Variants in EPHB4 observed in about 807,000 individuals in gnomAD.
EPHB4 encodes the protein EPH receptor B4, also known as ephrin type-B receptor 4.
A neutral mutation model predicts 110.6 loss-of-function variants in EPHB4; 50 were observed. The ratio of observed to expected loss-of-function variants is 0.45; its 90% CI spans 0.36 to 0.57. The LOEUF is 0.57. Ranked by LOEUF, EPHB4 falls within the 20% of genes least tolerant of loss-of-function variation. The pLI, the probability that EPHB4 is intolerant of heterozygous loss-of-function variation, is 0.00. For synonymous variants in EPHB4, 592 were observed against 578.4 expected (o/e 1.02, Z -0.34); for missense variants, 1,128 against 1,382.1 (o/e 0.82, Z 2.91).
At chr7:100,820,432 AC>A in intron 4 of EPHB4, 136 bp from the exon 5 acceptor site, 1 of 1,011,562 alleles carries the variant, frequency 9.9e-7, no homozygotes, top group Non-Finnish European at 1.4e-6. Context: ...GGGGTTCAAG[AC>A]CAGCCTGGGC....
At chr7:100,823,621 G>C (rs1562974279) in intron 3 of EPHB4, 23 bp downstream of exon 3, 1 of 1,603,884 alleles carries the variant, frequency 6.2e-7, no homozygotes, top group Non-Finnish European at 8.5e-7. Flanking sequence ...GGCTGTGGCT[G>C]AGCCCTGGGG....
intron 12 of EPHB4, among the ~76,000 whole-genome samples, chr7:100,811,855 G>A (rs1397335319): frequency 6.6e-6 from 1 of 150,632 alleles, no homozygotes; most frequent in African/African-American, 2.4e-5. Flanking sequence ...AGAGGACAGA[G>A]TGAGACTCTG....
At position 100,803,471 on chromosome 7, in the gene EPHB4, G is replaced by A. The variant is rs140842916; in HGVS notation, c.2954C>T (p.Pro985Leu). 8.9e-6 allele frequency: 14 copies of A among 1,573,940 alleles called. No individual in the cohort carries two copies. The highest frequency in any genetic ancestry group is 5.4e-5 in the African/African-American group (4 of 74,516). The part of the protein sequence containing the change: ...GTPGGTGGPA[P>L]QY Reference sequence around the variant, plus strand: ...GGGAGTTCCTGCAGGTCAGTACTGCGGGGCCGGTCCTCCTGTCCCACCCGG... The same window carrying A: ...GGGAGTTCCTGCAGGTCAGTACTGCAGGGCCGGTCCTCCTGTCCCACCCGG... The change falls in exon 17 of 17, where the codon CCG (proline) becomes CTG (leucine). Residue 985 changes from proline to leucine, a missense_variant. Physicochemically the swap from Pro to Leu is moderately conservative, Grantham distance 98 (BLOSUM62 -3). Coordinates refer to ENST00000358173, the MANE Select transcript of EPHB4 (RefSeq NM_004444.5).
In EPHB4 at chr7:100,813,215, A is replaced by T; in HGVS notation, c.1757-7T>A. 2.5e-6 allele frequency: 4 copies of T among 1,598,660 alleles called. No homozygotes were observed. The highest frequency in any genetic ancestry group is 3.4e-6 in the Non-Finnish European group (4 of 1,178,058). Reference sequence around the variant, plus strand: ...TCGATGTAGACCTTAGTACCTGAGAAATCAGGCAGGGCCCCGTCAGCTGGG... The same window carrying T: ...TCGATGTAGACCTTAGTACCTGAGATATCAGGCAGGGCCCCGTCAGCTGGG... On this transcript the variant is annotated splice_polypyrimidine_tract_variant and splice_region_variant and intron_variant, in intron 10 of 16. Coordinates refer to ENST00000358173, the MANE Select transcript of EPHB4 (RefSeq NM_004444.5).
At chr7:100,819,929 C>G (rs1215232568) in intron 5 of EPHB4, 40 bp from the exon 6 acceptor site, 1 of 1,518,620 alleles carries the variant, frequency 6.6e-7, no homozygotes, top group Non-Finnish European at 8.9e-7. Flanking sequence ...CCGACCTGCT[C>G]TGCGGTGGTG....
At chr7:100,811,224 C>G (rs1359973036) in intron 12 of EPHB4, among the ~76,000 whole-genome samples, 1 of 151,338 alleles carries the variant, frequency 6.6e-6, no homozygotes, top group African/African-American at 2.4e-5. Context: ...TGCACTCCAG[C>G]CTGGGTGACA....
At chr7:100,807,013 A>T (rs1812831632) in intron 13 of EPHB4, among the ~76,000 whole-genome samples, 1 of 152,036 alleles carries the variant, frequency 6.6e-6, no homozygotes, top group Non-Finnish European at 1.5e-5. Context: ...CCCAGTCTGC[A>T]GTACAGTGGC....
intron 4 of EPHB4, 184 bp from the exon 5 acceptor site, chr7:100,820,480 A>C: frequency 1.7e-6 from 1 of 592,684 alleles, no homozygotes; most frequent in South Asian, 3.7e-5. Context: ...AAAAAAAAAA[A>C]AATTCCAGCT....
Position 100,817,365 on chromosome 7 carries a change from G to T in EPHB4, c.1423-8C>A. On this transcript the variant is annotated splice_polypyrimidine_tract_variant and splice_region_variant and intron_variant, in intron 7 of 16. Coordinates refer to ENST00000358173, the MANE Select transcript of EPHB4 (RefSeq NM_004444.5). ...GCTGGGACCCTCGGCGCCCTGTCCG[G>T]GAGAGGTAGTGGGGTGGCCGTCACC... 1 of 1,555,848 alleles carries T rather than the reference G, an allele frequency of 6.4e-7. No individual in the cohort carries two copies. Among genetic ancestry groups the T allele is most frequent in the Non-Finnish European group, 8.7e-7 (1 of 1,153,740 alleles).
Position 100,817,449 on chromosome 7 carries a change from A to G in EPHB4, c.1423-92T>C, listed in dbSNP as rs1014100389. On this transcript the variant is annotated intron_variant, in intron 7 of 16. Coordinates refer to ENST00000358173, the MANE Select transcript of EPHB4 (RefSeq NM_004444.5). ...CCTTCCCTCGCCCTCCACTCCCATC[A>G]CTAGCCTGCCTTGCAACTGGTGAGG... The G allele has an allele frequency of 1.1e-5, 15 of 1,408,478 alleles. No individual in the cohort carries two copies. The Admixed American group carries it at 1.1e-4, about 11-fold the overall frequency. 87.2% of individuals were successfully genotyped at this position (1,408,478 alleles called of 1,614,324 possible).
Position 100,822,797 on chromosome 7 carries a change from C to A in EPHB4, c.412-130G>T. 4 of 1,346,774 alleles carry A rather than the reference C, an allele frequency of 3.0e-6. No homozygotes were observed. The highest frequency in any genetic ancestry group is 2.9e-6 in the Non-Finnish European group (3 of 1,021,250). 83.4% of individuals were successfully genotyped at this position (1,346,774 alleles called of 1,614,324 possible). ...TTCCAGAATCTTCCCTCCACCTTCC[C>A]CAGGGCACACTTTCTGCAGGCCCCC... On this transcript the variant is annotated intron_variant, in intron 3 of 16. Transcript: ENST00000358173. This position sits in a 1 kb window ranked among gnomAD's most constrained non-coding sequence, Gnocchi z 4.7.
chr7:100,817,850 ATTTTTTGCGT>A (rs1313919640), intron 7 of EPHB4, among the ~76,000 whole-genome samples: 2 of 31,206 alleles, frequency 6.4e-5, no homozygotes, highest in African/African-American at 2.0e-4. Context: ...CATTTTAAGT[ATTTTTTGCGT>A]TTTTTTTTTT....
At chr7:100,807,640 A>T in intron 12 of EPHB4, 60 bp from the exon 13 acceptor site, 3 of 1,526,540 alleles carry the variant, frequency 2.0e-6, no homozygotes, top group African/African-American at 1.4e-5. Context: ...TCCCCCTCCC[A>T]TCCACATCTT....
chr7:100,818,437 G>A, intron 7 of EPHB4, 83 bp downstream of exon 7: 3 of 1,563,026 alleles, frequency 1.9e-6, no homozygotes, highest in Admixed American at 1.8e-5. Context: ...TCAAATGCCT[G>A]CCAGGTGCCT....
intron 12 of EPHB4, among the ~76,000 whole-genome samples, chr7:100,811,844 TAG>T (rs1562968820): frequency 6.7e-6 from 1 of 149,150 alleles, no homozygotes; most frequent in African/African-American, 2.5e-5. Flanking sequence ...CACTCCAGCC[TAG>T]AGGACAGAGT....
Position 100,824,282 on chromosome 7 carries a change from G to A in EPHB4, c.53-9C>T. On this transcript the variant is annotated splice_polypyrimidine_tract_variant and intron_variant, in intron 1 of 16. Transcript: ENST00000358173. ...TGTGTTCAGCAGGGTCTCTGAGACAGACAGAGAGACAGAGTCAGTGCCTGG... is the reference window on the plus strand; with the variant it reads ...TGTGTTCAGCAGGGTCTCTGAGACAAACAGAGAGACAGAGTCAGTGCCTGG... 13 of 1,613,912 alleles carry A rather than the reference G, an allele frequency of 8.1e-6. No individual in the cohort carries two copies. The highest frequency in any genetic ancestry group is 1.0e-5 in the Non-Finnish European group (12 of 1,179,906).
Position 100,819,874 on chromosome 7 carries a change from G to A in EPHB4, c.980C>T (p.Pro327Leu), listed in dbSNP as rs1057515420. The A allele has an allele frequency of 1.3e-6, 2 of 1,545,386 alleles. No individual in the cohort carries two copies. Among genetic ancestry groups the A allele is most frequent in the Non-Finnish European group, 1.7e-6 (2 of 1,143,224 alleles). ...GTTCAGGCGGGAAACCACGCTCCGC[G>A]GAGCCGAAGGAGGGGCTGCAGGAGA... ...GAPCTTPPSA[P>L]RSVVSRLNGS... The change falls in exon 6 of 17, where the codon CCG (proline) becomes CTG (leucine). Residue 327 changes from proline to leucine, a missense_variant. Physicochemically the swap from Pro to Leu is moderately conservative, Grantham distance 98. Around this residue, in one of 3 missense-constraint regions of EPHB4, gnomAD observed 728 missense variants for 828.6 expected, o/e 0.88. Transcript: ENST00000358173.
Position 100,803,583 on chromosome 7 carries a change from G to A in EPHB4, c.2842C>T (p.Leu948Phe). ...CCCGCCAGAGTGACTCCGATTCGGAGCAGGTCCCTGCAGAAGGAAAGGAGA... is the reference window on the plus strand; with the variant it reads ...CCCGCCAGAGTGACTCCGATTCGGAACAGGTCCCTGCAGAAGGAAAGGAGA... Reference protein sequence around the residue: ...LVSQISAEDLLRIGVTLAGHQ... With the variant: ...LVSQISAEDLFRIGVTLAGHQ... Residue 948 changes from leucine (L) to phenylalanine (F), a missense_variant, in exon 17 of 17, where the codon CTC (leucine) becomes TTC (phenylalanine). By Grantham distance (22) the Leu-to-Phe change is conservative. This residue lies in a region of EPHB4 where 209 missense variants were observed against 240.5 expected (regional missense o/e 0.87). Transcript: ENST00000358173. The A allele has an allele frequency of 3.7e-6, 6 of 1,602,170 alleles. No homozygotes were observed. Among genetic ancestry groups the A allele is most frequent in the Non-Finnish European group, 5.1e-6 (6 of 1,172,206 alleles).
intron 1 of EPHB4, 28 bp from the exon 2 acceptor site, chr7:100,824,301 T>G: frequency 2.5e-6 from 4 of 1,602,502 alleles, no homozygotes. Flanking sequence ...ACAGAGTCAG[T>G]GCCTGGGGTG....
Sources: gnomAD v4.1 joint callset for allele counts (sites outside exome capture counted in the v4.1 genomes callset) on GRCh38, gnomAD v4.1.1 for gene constraint, gnomAD v4.1.1 regional missense constraint, Gnocchi (gnomAD v3.1) non-coding constraint, MANE v1.5 for transcripts, NCBI Gene and HGNC (gene_info 2026-07-23, HGNC 2026-07-21) for gene names.